Variants in HS6ST3 observed in about 807,000 individuals in gnomAD.
The protein encoded by HS6ST3 is heparan-sulfate 6-O-sulfotransferase 3.
A neutral mutation model predicts 36.7 loss-of-function variants in HS6ST3; 12 were observed. The ratio of observed to expected loss-of-function variants is 0.33; its 90% CI spans 0.21 to 0.53. The LOEUF is 0.53. Ranked by LOEUF, HS6ST3 falls within the 20% of genes least tolerant of loss-of-function variation. The pLI is 0.95. For missense variants in HS6ST3, 584 were observed against 640.9 expected, an observed-to-expected ratio of 0.91 and a Z score of 0.96; for synonymous variants, 240 against 257.5, an observed-to-expected ratio of 0.93 and a Z score of 0.65.
intron 1 of HS6ST3, among the ~76,000 whole-genome samples, chr13:96,342,432 C>T (rs2055135404): frequency 6.6e-6 from 1 of 152,146 alleles, no homozygotes; most frequent in South Asian, 2.1e-4. Context: ...AGCTGAATCC[C>T]AAAACACATT....
intron 1 of HS6ST3, among the ~76,000 whole-genome samples, chr13:96,804,919 C>T (rs1299476507): frequency 6.6e-6 from 1 of 152,120 alleles, no homozygotes; most frequent in Non-Finnish European, 1.5e-5. Flanking sequence ...TGAAAATGAA[C>T]ATATATATGT....
intron 1 of HS6ST3, among the ~76,000 whole-genome samples, chr13:96,429,078 G>C (rs1213151512): frequency 2.6e-5 from 4 of 152,232 alleles, no homozygotes; most frequent in African/African-American, 9.6e-5. Flanking sequence ...CATTGAAAAG[G>C]GCTTATTCAG....
At chr13:96,273,864 C>T (rs954376929) in intron 1 of HS6ST3, among the ~76,000 whole-genome samples, 2 of 151,616 alleles carry the variant, frequency 1.3e-5, no homozygotes, top group African/African-American at 4.8e-5. Flanking sequence ...CCTGCCAGGC[C>T]CTTCCTTTCT....
intron 1 of HS6ST3, among the ~76,000 whole-genome samples, chr13:96,824,434 A>G (rs1051587650): frequency 1.3e-5 from 2 of 152,248 alleles, no homozygotes; most frequent in East Asian, 1.9e-4. Flanking sequence ...ACTGGCTTAG[A>G]ACATCATTCT....
chr13:96,231,077 T>G (rs1847421212), intron 1 of HS6ST3, among the ~76,000 whole-genome samples: 1 of 151,970 alleles, frequency 6.6e-6, no homozygotes, highest in Admixed American at 6.6e-5. Context: ...AATGTGGAAG[T>G]GGCCAGTTAG....
intron 1 of HS6ST3, among the ~76,000 whole-genome samples, chr13:96,589,166 C>T (rs1467727252): frequency 6.6e-6 from 1 of 151,890 alleles, no homozygotes; most frequent in Non-Finnish European, 1.5e-5. Flanking sequence ...AGTAAAGCCA[C>T]CAGGTCCTGG....
intron 1 of HS6ST3, 34 bp downstream of exon 1, chr13:96,091,603 C>T (rs1594672909): frequency 3.3e-6 from 5 of 1,523,128 alleles, no homozygotes; most frequent in Non-Finnish European, 4.4e-6. Flanking sequence ...GTTCTTCCCC[C>T]CCACCCCCCA....
chr13:96,459,345 T>C (rs2055771042), intron 1 of HS6ST3, among the ~76,000 whole-genome samples: 1 of 152,066 alleles, frequency 6.6e-6, no homozygotes, highest in African/African-American at 2.4e-5. Context: ...GCCTGAGATA[T>C]CACTGACTTC....
intron 1 of HS6ST3, among the ~76,000 whole-genome samples, chr13:96,243,589 G>A (rs1386536279): frequency 6.6e-6 from 1 of 152,190 alleles, no homozygotes; most frequent in Non-Finnish European, 1.5e-5. Context: ...TAGCTGCTGT[G>A]TGTGTCATTA....
chr13:96,121,337 C>T (rs1338040586), intron 1 of HS6ST3, among the ~76,000 whole-genome samples: 6 of 152,010 alleles, frequency 3.9e-5, no homozygotes, highest in Admixed American at 2.6e-4. Flanking sequence ...CATTAAGGAG[C>T]CAAGCAAAGG....
intron 1 of HS6ST3, among the ~76,000 whole-genome samples, chr13:96,332,247 A>G (rs983117528): frequency 1.3e-5 from 2 of 152,086 alleles, no homozygotes; most frequent in Non-Finnish European, 2.9e-5. Context: ...TCCAAATTTC[A>G]TATCATAGTT....
intron 1 of HS6ST3, among the ~76,000 whole-genome samples, chr13:96,352,008 G>T (rs1328880413): frequency 1.3e-5 from 2 of 152,136 alleles, no homozygotes; most frequent in Admixed American, 6.5e-5. Flanking sequence ...AGGTGAACAA[G>T]ATTTAAAGTA....
chr13:96,448,269 C>T (rs1302410830), intron 1 of HS6ST3, among the ~76,000 whole-genome samples: 1 of 152,176 alleles, frequency 6.6e-6, no homozygotes, highest in Non-Finnish European at 1.5e-5. Context: ...CGCTTATATA[C>T]ACCTGCTTAA....
intron 1 of HS6ST3, among the ~76,000 whole-genome samples, chr13:96,267,794 G>A (rs1225931654): frequency 6.6e-6 from 1 of 152,032 alleles, no homozygotes; most frequent in Non-Finnish European, 1.5e-5. Flanking sequence ...GGAGAGGACA[G>A]GGAAGTAGGC....
rs191838199 is a variant in HS6ST3, at chr13:96,673,922, T to C, written c.708-158568T>C. 2.6e-5 allele frequency among the ~76,000 whole-genome samples: 4 copies of C among 152,272 alleles called. No individual in the cohort carries two copies. The East Asian group carries it at 7.7e-4, about 29-fold the overall frequency. The stretch of plus-strand genomic sequence containing the variant: ...ACTTTAAAAAATATATTTTTTCCCC[T>C]CTTTCTTTCATTTGAGAAGATTGCT... On this transcript the variant is annotated intron_variant, in intron 1 of 1. Coordinates refer to ENST00000376705, the MANE Select transcript of HS6ST3 (RefSeq NM_153456.4).
rs574267975 is a variant in HS6ST3, at chr13:96,125,534, A to G, written c.707+33965A>G. On this transcript the variant is annotated intron_variant, in intron 1 of 1. Transcript: ENST00000376705. ...ACTTATTTTAAATTTATTCTATCATACTATATCTTCATATCTTTGTAAGCC... is the reference window on the plus strand; with the variant it reads ...ACTTATTTTAAATTTATTCTATCATGCTATATCTTCATATCTTTGTAAGCC... 1.6e-3 allele frequency among the ~76,000 whole-genome samples: 246 copies of G among 152,210 alleles called. 1 individual carries two copies. The highest frequency in any genetic ancestry group is 5.8e-3 in the African/African-American group (239 of 41,540).
At chr13:96,739,141 T>C (rs1245961395) in intron 1 of HS6ST3, among the ~76,000 whole-genome samples, 1 of 151,972 alleles carries the variant, frequency 6.6e-6, no homozygotes, top group African/African-American at 2.4e-5. Flanking sequence ...TTTTTCCTCC[T>C]ATCCCTTTTA....
At chr13:96,685,333 T>A (rs960316261) in intron 1 of HS6ST3, among the ~76,000 whole-genome samples, 1 of 152,102 alleles carries the variant, frequency 6.6e-6, no homozygotes, top group African/African-American at 2.4e-5. Flanking sequence ...AATACAGAAA[T>A]ACGACTACTG....
chr13:96,356,548 A>G (rs988999155), intron 1 of HS6ST3, among the ~76,000 whole-genome samples: 3 of 152,196 alleles, frequency 2.0e-5, no homozygotes, highest in African/African-American at 7.2e-5. Flanking sequence ...TGCATTGTCA[A>G]TGAGTAGTAA....
Sources: gnomAD v4.1 joint callset for allele counts (sites outside exome capture counted in the v4.1 genomes callset) on GRCh38, gnomAD v4.1.1 for gene constraint, MANE v1.5 for transcripts, NCBI Gene and HGNC (gene_info 2026-07-23, HGNC 2026-07-21) for gene names.